The following VKORC1L1 variants were observed in gnomAD, a reference collection of about 807,000 sequenced individuals.
VKORC1L1 encodes the protein vitamin K epoxide reductase complex subunit 1-like protein 1.
VKORC1L1 carries 2 observed loss-of-function variants against 18.9 expected under a neutral mutation model. The ratio of observed to expected loss-of-function variants is 0.11; its 90% CI spans 0.04 to 0.33. The LOEUF (loss-of-function observed/expected upper bound fraction) is 0.33, where lower values mean the gene tolerates loss of function less well. Among genes scored for constraint, VKORC1L1 ranks in the 10% least tolerant of loss-of-function variants. The pLI, the probability that VKORC1L1 is intolerant of heterozygous loss-of-function variation, is 1.00. For missense variants in VKORC1L1, 123 were observed against 224.1 expected, an observed-to-expected ratio of 0.55 and a Z score of 2.88; for synonymous variants, 96 against 100.0, an observed-to-expected ratio of 0.96 and a Z score of 0.24.
intron 1 of VKORC1L1, among the ~76,000 whole-genome samples, chr7:65,942,847 G>A (rs1436371843): frequency 1.3e-5 from 2 of 152,034 alleles, no homozygotes; most frequent in African/African-American, 2.4e-5. Flanking sequence ...TGTCTGGACC[G>A]TGCAACTTGG....
rs1484280914 is a variant in VKORC1L1, at chr7:65,941,684, T to G, written c.195-6987T>G. 4.2e-5 allele frequency among the ~76,000 whole-genome samples: 6 copies of G among 143,310 alleles called. 1 individual carries two copies. Among genetic ancestry groups the G allele is most frequent in the African/African-American group, 1.3e-4 (5 of 38,752 alleles). The allele number at this position is 143,310 out of a possible 152,430, so 94.0% of individuals were successfully genotyped here. Reference sequence around the variant, plus strand: ...TTCTTTTTCTTAAGGTTTTTTTTTTTTTTTTTTTTTTTTTGAGAGTTTTGC... The same window carrying G: ...TTCTTTTTCTTAAGGTTTTTTTTTTGTTTTTTTTTTTTTTGAGAGTTTTGC... On this transcript the variant is annotated intron_variant, in intron 1 of 2. Coordinates refer to ENST00000360768, the MANE Select transcript of VKORC1L1 (RefSeq NM_173517.6).
At chr7:65,883,861 A>C (rs1241100883) in intron 1 of VKORC1L1, among the ~76,000 whole-genome samples, 3 of 152,226 alleles carry the variant, frequency 2.0e-5, no homozygotes, top group Admixed American at 2.0e-4. Flanking sequence ...GTAGTGCAAT[A>C]TTTAAAGCTA....
At chr7:65,869,501 A>G (rs1788699096), upstream of VKORC1L1, among the ~76,000 whole-genome samples, 1 of 151,948 alleles carries the variant, frequency 6.6e-6, no homozygotes, top group Admixed American at 6.6e-5. Flanking sequence ...GGCTTTGGGG[A>G]GTGGATGCAA....
rs1790345896 is a variant in VKORC1L1, at chr7:65,958,867, T to G, written c.*4567T>G. On this transcript the variant is annotated 3_prime_UTR_variant, in exon 3 of 3. Transcript: ENST00000360768. ...ATGAGCTGTTTTTCCATAGTTTTAC[T>G]TTAGCTTACCTTGAATACTCCCTGT... 6.6e-6 allele frequency: 1 copy of G among 152,256 alleles called. No homozygotes were observed. The highest frequency in any genetic ancestry group is 2.4e-5 in the African/African-American group (1 of 41,468). The allele number at this position is 152,256 out of a possible 1,614,324, so 9.4% of individuals were successfully genotyped here.
chr7:65,899,589 A>T (rs1789275011), intron 1 of VKORC1L1, among the ~76,000 whole-genome samples: 1 of 152,112 alleles, frequency 6.6e-6, no homozygotes, highest in Non-Finnish European at 1.5e-5. Flanking sequence ...ATTAACTGGC[A>T]CAGAGGGAGA....
chr7:65,896,326 A>G (rs944173570), intron 1 of VKORC1L1, among the ~76,000 whole-genome samples: 2 of 152,014 alleles, frequency 1.3e-5, no homozygotes, highest in African/African-American at 4.8e-5. Flanking sequence ...TTGTTTCTAT[A>G]TTTTGGCTAA....
chr7:65,879,366 G>A (rs1175013805), intron 1 of VKORC1L1, among the ~76,000 whole-genome samples: 1 of 152,088 alleles, frequency 6.6e-6, no homozygotes, highest in African/African-American at 2.4e-5. Context: ...AGTCCAAGAG[G>A]AATAGAGAAA....
rs1790306063 is a variant in VKORC1L1, at chr7:65,956,956, A to G, written c.*2656A>G. 2 of 152,222 alleles carry G rather than the reference A, an allele frequency of 1.3e-5. No individual in the cohort carries two copies. The highest frequency in any genetic ancestry group is 2.9e-5 in the Non-Finnish European group (2 of 68,034). 9.4% of individuals were successfully genotyped at this position (152,222 alleles called of 1,614,324 possible). ...TGATGTTCACAAATATCATTTGAAG[A>G]AATAACAGGAATTGGGGTTAGATGA... On this transcript the variant is annotated 3_prime_UTR_variant, in exon 3 of 3. Transcript: ENST00000360768.
rs1026422256 is a variant in VKORC1L1, at chr7:65,959,316, C to A, written c.*5016C>A. The stretch of plus-strand genomic sequence containing the variant: ...GAAGACTCCAGCTCAAGAAAAAAAA[C>A]AATGGACTGCCCCTAATTTGTAAAC... On this transcript the variant is annotated 3_prime_UTR_variant, in exon 3 of 3. Coordinates refer to ENST00000360768, the MANE Select transcript of VKORC1L1 (RefSeq NM_173517.6). The A allele has an allele frequency of 6.6e-6, 1 of 152,066 alleles. No homozygotes were observed. 9.4% of individuals were successfully genotyped at this position (152,066 alleles called of 1,614,324 possible).
intron 1 of VKORC1L1, among the ~76,000 whole-genome samples, chr7:65,896,529 C>A (rs1249056966): frequency 7.0e-6 from 1 of 143,258 alleles, no homozygotes; most frequent in Non-Finnish European, 1.5e-5. Flanking sequence ...CTCCTATCTT[C>A]CCCTCCCTCC....
Position 65,958,319 on chromosome 7 carries a change from C to A in VKORC1L1, c.*4019C>A, listed in dbSNP as rs976929322. 2.6e-4 allele frequency: 40 copies of A among 152,266 alleles called. No homozygotes were observed. Among genetic ancestry groups the A allele is most frequent in the African/African-American group, 8.4e-4 (35 of 41,546 alleles). The allele number at this position is 152,266 out of a possible 1,614,324, so 9.4% of individuals were successfully genotyped here. ...AGGTATATGATCTGTGTAGTATGTTCCATCAGAAATATTTCTTACTAGTGC... is the reference window on the plus strand; with the variant it reads ...AGGTATATGATCTGTGTAGTATGTTACATCAGAAATATTTCTTACTAGTGC... On this transcript the variant is annotated 3_prime_UTR_variant, in exon 3 of 3. Transcript: ENST00000360768.
At chr7:65,943,052 A>G (rs6960048) in intron 1 of VKORC1L1, among the ~76,000 whole-genome samples, 78,497 of 151,890 alleles carry the variant, frequency 0.52, 21,238 homozygotes, top group East Asian at 0.81. Flanking sequence ...GGATAGGGAA[A>G]TGAAAGTCTA....
At chr7:65,950,374 G>A (rs988911414) in intron 2 of VKORC1L1, among the ~76,000 whole-genome samples, 1 of 151,520 alleles carries the variant, frequency 6.6e-6, no homozygotes, top group Non-Finnish European at 1.5e-5. Flanking sequence ...CTTCTTTTTT[G>A]TAGATCTTGT....
the VKORC1L1 span, among the ~76,000 whole-genome samples, chr7:65,867,136 G>A: frequency 1.3e-5 from 2 of 152,128 alleles, no homozygotes; most frequent in South Asian, 4.1e-4. Context: ...GCAGTGAGCT[G>A]AGATTGTGCC....
intron 1 of VKORC1L1, among the ~76,000 whole-genome samples, chr7:65,904,948 T>C (rs1789380207): frequency 6.6e-6 from 1 of 152,290 alleles, no homozygotes; most frequent in Non-Finnish European, 1.5e-5. Context: ...ATATGTATGT[T>C]ATACACATCG....
At chr7:65,934,120 G>A (rs1046928649) in intron 1 of VKORC1L1, among the ~76,000 whole-genome samples, 5 of 152,022 alleles carry the variant, frequency 3.3e-5, no homozygotes, top group Admixed American at 6.6e-5. Flanking sequence ...AATTAGCTGC[G>A]TGTGGTGGCT....
At chr7:65,932,746 T>C (rs1406926341) in intron 1 of VKORC1L1, among the ~76,000 whole-genome samples, 2 of 152,206 alleles carry the variant, frequency 1.3e-5, no homozygotes, top group Non-Finnish European at 2.9e-5. Context: ...TTGTTTACGA[T>C]GTGGTCTATC....
chr7:65,903,773 C>A (rs1174607084), intron 1 of VKORC1L1, among the ~76,000 whole-genome samples: 14 of 113,192 alleles, frequency 1.2e-4, no homozygotes, highest in Admixed American at 1.8e-4. Context: ...GACCGTGTCT[C>A]AAAAAAAAAA....
In VKORC1L1 at chr7:65,879,999, A is replaced by G. The variant is rs142080027; in HGVS notation, c.194+6434A>G. ...CCTGAGTAGCTGGGTCTACAGTTGC[A>G]CACCCCACCATGCCTAGCTAATTTT... On this transcript the variant is annotated intron_variant, in intron 1 of 2. Coordinates refer to ENST00000360768, the MANE Select transcript of VKORC1L1 (RefSeq NM_173517.6). 3.0e-3 allele frequency among the ~76,000 whole-genome samples: 454 copies of G among 151,954 alleles called. 1 individual carries two copies. Among genetic ancestry groups the G allele is most frequent in the East Asian group, 7.9e-3 (41 of 5,170 alleles).
Sources: gnomAD v4.1 joint callset for allele counts (sites outside exome capture counted in the v4.1 genomes callset) on GRCh38, gnomAD v4.1.1 for gene constraint, MANE v1.5 for transcripts, NCBI Gene and HGNC (gene_info 2026-07-23, HGNC 2026-07-21) for gene names.